Variants in CDH13 observed in about 807,000 individuals in gnomAD.
CDH13 encodes cadherin 13, also known as cadherin-13.
A neutral mutation model predicts 63.8 loss-of-function variants in CDH13; 24 were observed. That is an observed-to-expected ratio of 0.38 (90% CI 0.27 to 0.53). The LOEUF is 0.53. Ranked by LOEUF, CDH13 falls within the 20% of genes least tolerant of loss-of-function variation. The probability of loss-of-function intolerance (pLI) is 0.85; values close to 1 mark genes in which losing one functional copy is unlikely to be tolerated. For synonymous variants in CDH13, 503 were observed against 355.3 expected (o/e 1.42, Z -4.67); for missense variants, 1,049 against 903.1 (o/e 1.16, Z -2.07).
chr16:82,707,330 TA>T (rs1435557433), intron 1 of CDH13, among the ~76,000 whole-genome samples: 6 of 152,108 alleles, frequency 3.9e-5, no homozygotes, highest in Non-Finnish European at 7.4e-5. Context: ...AGGGAAGAGA[TA>T]GGGGTAGACA....
chr16:82,968,991 C>T (rs1001844236), intron 2 of CDH13, among the ~76,000 whole-genome samples: 2 of 152,092 alleles, frequency 1.3e-5, no homozygotes, highest in African/African-American at 4.8e-5. Flanking sequence ...ATGGTAATCC[C>T]AGCTGCTCAG....
chr16:83,450,452 A>C (rs1197197985), intron 6 of CDH13, among the ~76,000 whole-genome samples: 1 of 152,194 alleles, frequency 6.6e-6, no homozygotes, highest in African/African-American at 2.4e-5. Context: ...ATGAGGATCT[A>C]TGTAAAGGGT....
chr16:83,551,530 T>C (rs1293028495), intron 7 of CDH13, among the ~76,000 whole-genome samples: 1 of 152,228 alleles, frequency 6.6e-6, no homozygotes, highest in Non-Finnish European at 1.5e-5. Flanking sequence ...CATTGGTGCT[T>C]CACTGTGTGC....
chr16:83,514,923 G>A (rs2074667146), intron 7 of CDH13, among the ~76,000 whole-genome samples: 1 of 152,128 alleles, frequency 6.6e-6, no homozygotes, highest in African/African-American at 2.4e-5. Flanking sequence ...TCCGGTTTGT[G>A]ACGTGTAGTT....
At chr16:82,691,709 G>A (rs765205513) in intron 1 of CDH13, among the ~76,000 whole-genome samples, 4 of 152,132 alleles carry the variant, frequency 2.6e-5, no homozygotes, top group Admixed American at 2.0e-4. Flanking sequence ...CTTTCCTCGG[G>A]CTTCAGAAGA....
At chr16:83,430,547 T>C (rs1281144887) in intron 6 of CDH13, among the ~76,000 whole-genome samples, 1 of 152,242 alleles carries the variant, frequency 6.6e-6, no homozygotes, top group African/African-American at 2.4e-5. Flanking sequence ...CCTTTATTCT[T>C]CTTTTTGAAA....
At chr16:83,575,489 C>G (rs1054522998) in intron 7 of CDH13, among the ~76,000 whole-genome samples, 5 of 152,196 alleles carry the variant, frequency 3.3e-5, no homozygotes, top group African/African-American at 1.2e-4. Flanking sequence ...TACCATCTGA[C>G]CCATCTCCAT....
chr16:83,518,089 G>C (rs1474362043), intron 7 of CDH13, among the ~76,000 whole-genome samples: 1 of 152,048 alleles, frequency 6.6e-6, no homozygotes, highest in African/African-American at 2.4e-5. Flanking sequence ...TCATGGGGGT[G>C]GTTAACCTCA....
At chr16:83,207,757 C>G (rs2039225151) in intron 4 of CDH13, among the ~76,000 whole-genome samples, 1 of 143,804 alleles carries the variant, frequency 7.0e-6, no homozygotes, top group African/African-American at 2.8e-5. Flanking sequence ...AACAAATACT[C>G]TCCTTAAAAA....
intron 3 of CDH13, among the ~76,000 whole-genome samples, chr16:83,078,618 T>A (rs1381032793): frequency 6.6e-6 from 1 of 152,006 alleles, no homozygotes; most frequent in East Asian, 1.9e-4. Flanking sequence ...GGCCGAGGAG[T>A]TGGGGACCCC....
At chr16:83,026,555 ATATAAG>A (rs1282010575) in intron 2 of CDH13, among the ~76,000 whole-genome samples, 1 of 152,220 alleles carries the variant, frequency 6.6e-6, no homozygotes, top group African/African-American at 2.4e-5. Flanking sequence ...ACCTAAACAG[ATATAAG>A]TATATCTGTG....
intron 1 of CDH13, among the ~76,000 whole-genome samples, chr16:82,745,136 C>A (rs1338937661): frequency 6.6e-6 from 1 of 152,152 alleles, no homozygotes; most frequent in Non-Finnish European, 1.5e-5. Context: ...ACTTTAAAGG[C>A]TCTGGGAAAC....
chr16:83,170,068 C>A (rs748163456), intron 4 of CDH13, among the ~76,000 whole-genome samples: 1 of 151,954 alleles, frequency 6.6e-6, no homozygotes, highest in Non-Finnish European at 1.5e-5. Flanking sequence ...TGTCACATAG[C>A]TTTCATGTGA....
chr16:82,851,736 G>A (rs1696600748), intron 1 of CDH13, among the ~76,000 whole-genome samples: 1 of 151,978 alleles, frequency 6.6e-6, no homozygotes, highest in South Asian at 2.1e-4. Flanking sequence ...ATTCCTCCAT[G>A]CTTTCCCTGT....
chr16:83,209,392 C>G (rs1386216993), intron 4 of CDH13, among the ~76,000 whole-genome samples: 2 of 152,154 alleles, frequency 1.3e-5, no homozygotes, highest in Non-Finnish European at 2.9e-5. Flanking sequence ...CGGGTGCATC[C>G]TCCACACAGA....
intron 3 of CDH13, among the ~76,000 whole-genome samples, chr16:83,068,945 C>T (rs569120274): frequency 6.6e-6 from 1 of 152,232 alleles, no homozygotes; most frequent in African/African-American, 2.4e-5. Context: ...AATGTTTTCA[C>T]TATGAAGGTT....
chr16:83,526,811 A>G (rs181843889), intron 7 of CDH13, among the ~76,000 whole-genome samples: 2 of 152,226 alleles, frequency 1.3e-5, no homozygotes, highest in Admixed American at 6.5e-5. Flanking sequence ...AATCCCAGTA[A>G]TTGTCTTGAA....
chr16:82,674,748 G>GGAAA (rs1157610032), intron 1 of CDH13, among the ~76,000 whole-genome samples: 5 of 152,228 alleles, frequency 3.3e-5, no homozygotes, highest in South Asian at 2.1e-4. Context: ...GGGGCACACT[G>GGAAA]GAAAGAAAGA....
At position 83,795,621 on chromosome 16, in the gene CDH13, C is replaced by T. The variant is rs943683550; in HGVS notation, c.*591C>T. ...GTCCCGTTCAGTCTGAATGCTGCCA[C>T]AACCAGCCAGGCAGGTCCACAGAGA... On this transcript the variant is annotated 3_prime_UTR_variant, in exon 14 of 14. Coordinates refer to ENST00000567109, the MANE Select transcript of CDH13 (RefSeq NM_001257.5). 1 of 152,280 alleles carries T rather than the reference C, an allele frequency of 6.6e-6. No homozygotes were observed. The highest frequency in any genetic ancestry group is 2.4e-5 in the African/African-American group (1 of 41,438). The allele number at this position is 152,280 out of a possible 1,614,324, so 9.4% of individuals were successfully genotyped here.
Sources: gnomAD v4.1 joint callset for allele counts (sites outside exome capture counted in the v4.1 genomes callset) on GRCh38, gnomAD v4.1.1 for gene constraint, MANE v1.5 for transcripts, NCBI Gene and HGNC (gene_info 2026-07-23, HGNC 2026-07-21) for gene names.